PEX5L: variants seen among roughly 807,000 people sequenced by gnomAD.
PEX5L encodes peroxisomal biogenesis factor 5 like, also known as PEX5-related protein.
A neutral mutation model predicts 84.0 loss-of-function variants in PEX5L; 30 were observed. The ratio of observed to expected loss-of-function variants is 0.36; its 90% CI spans 0.27 to 0.48. The LOEUF (loss-of-function observed/expected upper bound fraction) is 0.48. Ranked by LOEUF, PEX5L falls within the 20% of genes least tolerant of loss-of-function variation. The pLI is 0.99. For synonymous variants in PEX5L, 270 were observed against 283.1 expected (o/e 0.95, Z 0.46); for missense variants, 533 against 754.6 (o/e 0.71, Z 3.44).
intron 9 of PEX5L, among the ~76,000 whole-genome samples, chr3:179,816,910 A>G (rs932622370): frequency 6.6e-6 from 1 of 152,114 alleles, no homozygotes; most frequent in Non-Finnish European, 1.5e-5. Flanking sequence ...CCGAGATACG[A>G]CCACTAATAT....
In PEX5L at chr3:179,895,246, T is replaced by C. The variant is rs183356542; in HGVS notation, c.198+2896A>G. ...ATCGTTAATGTGATAGTTTACACTT[T>C]TTTTGATTACTCTCTGAAATCTGGT... On this transcript the variant is annotated intron_variant, in intron 3 of 14. Transcript: ENST00000467460. Among the ~76,000 whole-genome samples, 646 of 152,244 alleles carry C rather than the reference T, an allele frequency of 4.2e-3. 2 individuals are homozygous for C. The highest frequency in any genetic ancestry group is 6.1e-3 in the Non-Finnish European group (418 of 68,002).
intron 1 of PEX5L, among the ~76,000 whole-genome samples, chr3:180,029,271 C>A (rs1791238106): frequency 6.6e-6 from 1 of 152,062 alleles, no homozygotes; most frequent in East Asian, 1.9e-4. Context: ...TCAAGTGATC[C>A]ACCTGACTCA....
intron 2 of PEX5L, among the ~76,000 whole-genome samples, chr3:179,907,244 C>A (rs1424289652): frequency 6.6e-6 from 1 of 151,926 alleles, no homozygotes; most frequent in Non-Finnish European, 1.5e-5. Context: ...GAATTTCATC[C>A]TCCTACTAAA....
intron 1 of PEX5L, among the ~76,000 whole-genome samples, chr3:180,033,896 T>C (rs1791671105): frequency 6.6e-6 from 1 of 152,224 alleles, no homozygotes; most frequent in Non-Finnish European, 1.5e-5. Context: ...TGTTACTCTA[T>C]GCTCTATCTG....
chr3:179,880,347 C>A (rs1408419840), intron 4 of PEX5L, among the ~76,000 whole-genome samples: 5 of 152,138 alleles, frequency 3.3e-5, no homozygotes, highest in African/African-American at 9.7e-5. Flanking sequence ...GGACTTAGAC[C>A]AGCCTCAGCA....
At chr3:179,804,841 G>A (rs1447658142) in intron 14 of PEX5L, among the ~76,000 whole-genome samples, 3 of 152,066 alleles carry the variant, frequency 2.0e-5, no homozygotes, top group African/African-American at 4.8e-5. Flanking sequence ...CTCTCTCGCC[G>A]GGTGTAGTGG....
chr3:179,928,074 T>C (rs1771966288), intron 2 of PEX5L, among the ~76,000 whole-genome samples: 1 of 152,220 alleles, frequency 6.6e-6, no homozygotes, highest in Admixed American at 6.5e-5. Context: ...CTTTTATTTA[T>C]GTTAAGGTTG....
At chr3:179,823,960 G>A (rs985613020) in intron 8 of PEX5L, among the ~76,000 whole-genome samples, 11 of 151,976 alleles carry the variant, frequency 7.2e-5, no homozygotes, top group African/African-American at 2.7e-4. Flanking sequence ...ACTTTAAAAT[G>A]TTTTCCCAAA....
At chr3:179,808,974 T>C (rs1722559316) in intron 12 of PEX5L, among the ~76,000 whole-genome samples, 1 of 138,638 alleles carries the variant, frequency 7.2e-6, no homozygotes, top group Non-Finnish European at 1.5e-5. Flanking sequence ...CTCGGGAGGC[T>C]GAGGCAGGAG....
rs931129594 is a variant in PEX5L, at chr3:179,811,966, G to A, written c.1084-95C>T. ...TGACCTGTGATGGATCCCCTATGCAGAGCAAGCTGTCTCATATGTGAGCGC... is the reference window on the plus strand; with the variant it reads ...TGACCTGTGATGGATCCCCTATGCAAAGCAAGCTGTCTCATATGTGAGCGC... On this transcript the variant is annotated intron_variant, in intron 10 of 14. Coordinates refer to ENST00000467460, the MANE Select transcript of PEX5L (RefSeq NM_016559.3). 3.2e-6 allele frequency: 3 copies of A among 925,332 alleles called. No individual in the cohort carries two copies. The African/African-American group carries it at 4.8e-5, about 15-fold the overall frequency. The allele number at this position is 925,332 out of a possible 1,614,324, so 57.3% of individuals were successfully genotyped here.
At chr3:179,885,157 G>GTC (rs1333637999) in intron 4 of PEX5L, among the ~76,000 whole-genome samples, 9 of 152,096 alleles carry the variant, frequency 5.9e-5, no homozygotes, top group African/African-American at 2.2e-4. Context: ...TAAATCCCCA[G>GTC]TCTCAGAACA....
chr3:179,811,457 T>G (rs995297154), intron 11 of PEX5L, among the ~76,000 whole-genome samples: 1 of 152,160 alleles, frequency 6.6e-6, no homozygotes, highest in Non-Finnish European at 1.5e-5. Context: ...TAGTCAGTAC[T>G]CCACTTATTT....
At chr3:179,879,814 G>T in intron 5 of PEX5L, 115 bp downstream of exon 5, 1 of 668,626 alleles carries the variant, frequency 1.5e-6, no homozygotes. Flanking sequence ...TTTCCACCAT[G>T]GAATGCCTTT....
At chr3:180,032,748 G>A (rs990157408) in intron 1 of PEX5L, among the ~76,000 whole-genome samples, 1 of 152,156 alleles carries the variant, frequency 6.6e-6, no homozygotes, top group African/African-American at 2.4e-5. Context: ...CAGCTACTTG[G>A]GAGACTGAGG....
chr3:179,924,286 T>G (rs1482867780), intron 2 of PEX5L, among the ~76,000 whole-genome samples: 1 of 152,158 alleles, frequency 6.6e-6, no homozygotes, highest in Non-Finnish European at 1.5e-5. Context: ...CCACGTACTG[T>G]AGTTATTTAT....
intron 2 of PEX5L, among the ~76,000 whole-genome samples, chr3:179,955,071 G>C (rs1524513): frequency 0.72 from 108,935 of 152,024 alleles, 39,633 homozygotes; most frequent in East Asian, 0.89. Context: ...GTCCTATAAT[G>C]TGGCTTCCCC....
chr3:179,936,570 G>T (rs1774684556), intron 2 of PEX5L, among the ~76,000 whole-genome samples: 1 of 36,540 alleles, frequency 2.7e-5, no homozygotes, highest in Non-Finnish European at 6.3e-5. Flanking sequence ...ACTTAATTCT[G>T]CCCTGTTAAC....
At chr3:179,935,751 G>A (rs537305958) in intron 2 of PEX5L, among the ~76,000 whole-genome samples, 34 of 152,036 alleles carry the variant, frequency 2.2e-4, no homozygotes, top group African/African-American at 7.7e-4. Flanking sequence ...TTAAGAGGTG[G>A]AGCCTGATGG....
rs1223969671 is a variant in PEX5L, at chr3:179,809,687, C to G, written c.1155-19G>C. ...TAAGCACCTGAAAAAAAAAAAGAAG[C>G]CAATTTCAGATTTTTTTTTGAGCCA... On this transcript the variant is annotated intron_variant, in intron 11 of 14. Transcript: ENST00000467460. The G allele has an allele frequency of 6.6e-7, 1 of 1,513,852 alleles. No homozygotes were observed. The highest frequency in any genetic ancestry group is 1.2e-5 in the South Asian group (1 of 82,820). 93.8% of individuals were successfully genotyped at this position (1,513,852 alleles called of 1,614,324 possible). A position where few individuals can be genotyped will look rare whatever the true frequency, so the allele number is the denominator to read the frequency against.
Sources: gnomAD v4.1 joint callset for allele counts (sites outside exome capture counted in the v4.1 genomes callset) on GRCh38, gnomAD v4.1.1 for gene constraint, MANE v1.5 for transcripts, NCBI Gene and HGNC (gene_info 2026-07-23, HGNC 2026-07-21) for gene names.